The following HEMK2 variants were observed in gnomAD, a reference collection of about 807,000 sequenced individuals.
HEMK2 encodes methyltransferase HEMK2.
the HEMK2 span, chr21:28,670,864 T>C: frequency 6.6e-6 from 1 of 152,132 alleles, no homozygotes; most frequent in Non-Finnish European, 1.5e-5. Flanking sequence ...GTGAACTCTC[T>C]CACTATTACA....
At chr21:28,838,947 C>CAAAAAAAAA in the HEMK2 span, among the ~76,000 whole-genome samples, 3 of 20,974 alleles carry the variant, frequency 1.4e-4, no homozygotes, top group African/African-American at 1.8e-4. Context: ...AACTCCGCCT[C>CAAAAAAAAA]AAAAAAAAAA....
At chr21:28,683,119 T>C in the HEMK2 span, among the ~76,000 whole-genome samples, 1 of 150,620 alleles carries the variant, frequency 6.6e-6, no homozygotes, top group Non-Finnish European at 1.5e-5. Context: ...ATATTATATT[T>C]ATGATTATAT....
the HEMK2 span, among the ~76,000 whole-genome samples, chr21:28,701,400 C>T: frequency 4.6e-5 from 7 of 152,170 alleles, no homozygotes; most frequent in South Asian, 2.1e-4. Flanking sequence ...AAACTCCATA[C>T]CTCTGACCAA....
chr21:28,637,825 TGTGA>T, the HEMK2 span, among the ~76,000 whole-genome samples: 10 of 152,208 alleles, frequency 6.6e-5, no homozygotes, highest in Non-Finnish European at 1.3e-4. Context: ...TTACAACTGC[TGTGA>T]GTGAGAAAAA....
chr21:28,863,322 T>C, the HEMK2 span, among the ~76,000 whole-genome samples: 1 of 150,316 alleles, frequency 6.7e-6, no homozygotes, highest in African/African-American at 2.4e-5. Flanking sequence ...GTTTTGGAAC[T>C]TGGACTGGCT....
the HEMK2 span, among the ~76,000 whole-genome samples, chr21:28,722,792 G>A: frequency 6.6e-6 from 1 of 152,192 alleles, no homozygotes; most frequent in Non-Finnish European, 1.5e-5. Flanking sequence ...GCTGAGGCAG[G>A]AGAATCGCTT....
At chr21:28,802,364 T>C in the HEMK2 span, among the ~76,000 whole-genome samples, 1 of 152,144 alleles carries the variant, frequency 6.6e-6, no homozygotes, top group Non-Finnish European at 1.5e-5. Flanking sequence ...CATAAAGAAA[T>C]TCTGGAAGGA....
chr21:28,706,514 C>G, the HEMK2 span, among the ~76,000 whole-genome samples: 1 of 152,242 alleles, frequency 6.6e-6, no homozygotes, highest in African/African-American at 2.4e-5. Context: ...AAAAAATGAG[C>G]TAGTTTCATA....
chr21:28,805,320 G>A, the HEMK2 span, among the ~76,000 whole-genome samples: 5 of 151,966 alleles, frequency 3.3e-5, no homozygotes, highest in African/African-American at 1.2e-4. Context: ...CCCACCACCC[G>A]CCCATAAAAT....
the HEMK2 span, among the ~76,000 whole-genome samples, chr21:28,627,032 A>C: frequency 6.6e-6 from 1 of 152,224 alleles, no homozygotes; most frequent in African/African-American, 2.4e-5. Context: ...TGGCATATTC[A>C]CTCAATAAAA....
At chr21:28,752,812 A>G in the HEMK2 span, among the ~76,000 whole-genome samples, 3 of 147,424 alleles carry the variant, frequency 2.0e-5, no homozygotes, top group East Asian at 6.1e-4. Flanking sequence ...GTAAGATATT[A>G]TTGTTGTTAC....
At chr21:28,864,285 G>C in the HEMK2 span, among the ~76,000 whole-genome samples, 1 of 152,138 alleles carries the variant, frequency 6.6e-6, no homozygotes, top group Non-Finnish European at 1.5e-5. Context: ...GAGAGAGAGA[G>C]CTATAAAACC....
At chr21:28,693,267 G>A in the HEMK2 span, among the ~76,000 whole-genome samples, 1 of 152,172 alleles carries the variant, frequency 6.6e-6, no homozygotes, top group South Asian at 2.1e-4. Flanking sequence ...AACAGGAGAG[G>A]AACTAGAGAT....
chr21:28,612,182 A>G, the HEMK2 span, among the ~76,000 whole-genome samples: 9,693 of 152,056 alleles, frequency 0.064, 375 homozygotes, highest in East Asian at 0.12. Flanking sequence ...TCAAAAAAAA[A>G]AAAAAATCTA....
the HEMK2 span, among the ~76,000 whole-genome samples, chr21:28,647,561 C>T: frequency 2.0e-5 from 3 of 150,658 alleles, no homozygotes; most frequent in East Asian, 5.8e-4. Flanking sequence ...TTCTGAGGGG[C>T]CAACCAAAAA....
At chr21:28,748,014 A>C in the HEMK2 span, among the ~76,000 whole-genome samples, 37 of 152,394 alleles carry the variant, frequency 2.4e-4, no homozygotes, top group African/African-American at 8.2e-4. Flanking sequence ...TAACACAGGA[A>C]CAGAACAGCA....
chr21:28,779,522 T>C, the HEMK2 span, among the ~76,000 whole-genome samples: 1 of 152,178 alleles, frequency 6.6e-6, no homozygotes, highest in East Asian at 1.9e-4. Context: ...GCAGAAGGAA[T>C]AAGGCTTTTA....
At chr21:28,623,816 C>T in the HEMK2 span, among the ~76,000 whole-genome samples, 24 of 152,096 alleles carry the variant, frequency 1.6e-4, no homozygotes, top group Non-Finnish European at 2.9e-5. Context: ...GGGAACATCA[C>T]ACACTGGGGC....
chr21:28,653,295 T>C, the HEMK2 span, among the ~76,000 whole-genome samples: 2 of 151,850 alleles, frequency 1.3e-5, no homozygotes, highest in East Asian at 3.9e-4. Flanking sequence ...TCTTCCACCA[T>C]ACTCAGAAGA....
Sources: gnomAD v4.1 joint callset for allele counts (sites outside exome capture counted in the v4.1 genomes callset) on GRCh38, gnomAD v4.1.1 for gene constraint, MANE v1.5 for transcripts, NCBI Gene and HGNC (gene_info 2026-07-23, HGNC 2026-07-21) for gene names.